The following CFAP210 variants were observed in gnomAD, a reference collection of about 807,000 sequenced individuals.
The protein encoded by CFAP210 is cilia- and flagella- associated protein 210.
the CFAP210 span, among the ~76,000 whole-genome samples, chr2:169,687,043 C>G: frequency 6.6e-6 from 1 of 152,122 alleles, no homozygotes; most frequent in African/African-American, 2.4e-5. Flanking sequence ...GCGGAAGTCC[C>G]TGATAATCCC....
At chr2:169,668,058 T>G in the CFAP210 span, among the ~76,000 whole-genome samples, 1 of 152,252 alleles carries the variant, frequency 6.6e-6, no homozygotes, top group African/African-American at 2.4e-5. Flanking sequence ...TCATCTACAC[T>G]GGAAATCTGT....
chr2:169,671,421 T>C, the CFAP210 span, among the ~76,000 whole-genome samples: 1 of 152,224 alleles, frequency 6.6e-6, no homozygotes, highest in African/African-American at 2.4e-5. Flanking sequence ...AAAATATTTA[T>C]CATTACATTC....
chr2:169,661,082 T>C, the CFAP210 span: 4 of 543,910 alleles, frequency 7.4e-6, no homozygotes, highest in Non-Finnish European at 7.4e-6. Flanking sequence ...GAATATGGCG[T>C]ACTTGTCAAG....
chr2:169,688,320 G>GAATTTTTT, the CFAP210 span, among the ~76,000 whole-genome samples: 1 of 152,192 alleles, frequency 6.6e-6, no homozygotes, highest in East Asian at 1.9e-4. Context: ...CTATTGCATA[G>GAATTTTTT]TCAGGCTACA....
At chr2:169,691,436 C>G in the CFAP210 span, among the ~76,000 whole-genome samples, 2 of 152,130 alleles carry the variant, frequency 1.3e-5, no homozygotes, top group African/African-American at 4.8e-5. Flanking sequence ...ACAACAACTG[C>G]AACTGCACAG....
At chr2:169,682,162 T>C in the CFAP210 span, among the ~76,000 whole-genome samples, 1 of 152,234 alleles carries the variant, frequency 6.6e-6, no homozygotes, top group African/African-American at 2.4e-5. Context: ...AAAACGGTCC[T>C]ACCCTTTTAA....
At chr2:169,648,150 A>T in the CFAP210 span, 1 of 206,288 alleles carries the variant, frequency 4.8e-6, no homozygotes, top group Non-Finnish European at 9.5e-6. Flanking sequence ...GCAACAGAGC[A>T]AAACTCTGTC....
At chr2:169,681,419 T>C in the CFAP210 span, 10 of 624,642 alleles carry the variant, frequency 1.6e-5, no homozygotes, top group Non-Finnish European at 2.5e-5. Flanking sequence ...TCAGAAGGCA[T>C]ATATTTGAGT....
At chr2:169,650,284 C>T in the CFAP210 span, 4 of 1,487,198 alleles carry the variant, frequency 2.7e-6, no homozygotes, top group Non-Finnish European at 3.6e-6. Context: ...TGGAAAGGTC[C>T]TAACTCTGTC....
the CFAP210 span, chr2:169,650,313 T>C: frequency 1.9e-6 from 3 of 1,541,306 alleles, no homozygotes; most frequent in South Asian, 3.9e-5. Context: ...TTTATTTTCA[T>C]AATTGAATTG....
At chr2:169,645,760 CTTTA>C in the CFAP210 span, 1 of 870,404 alleles carries the variant, frequency 1.1e-6, no homozygotes, top group Non-Finnish European at 1.7e-6. Flanking sequence ...TGAAGAACAG[CTTTA>C]TTAACTGAAA....
At chr2:169,651,862 C>A in the CFAP210 span, among the ~76,000 whole-genome samples, 1 of 145,450 alleles carries the variant, frequency 6.9e-6, no homozygotes, top group African/African-American at 2.6e-5. Context: ...TCTCCCTTTA[C>A]ACTATAAGGT....
the CFAP210 span, among the ~76,000 whole-genome samples, chr2:169,647,471 G>A: frequency 2.6e-5 from 4 of 152,002 alleles, no homozygotes; most frequent in Non-Finnish European, 5.9e-5. Flanking sequence ...ACAGATGAAG[G>A]TAAAGTACCT....
chr2:169,673,731 C>G, the CFAP210 span, among the ~76,000 whole-genome samples: 1 of 151,992 alleles, frequency 6.6e-6, no homozygotes, highest in African/African-American at 2.4e-5. Flanking sequence ...AGGCTGGGAA[C>G]AGGAGATAGA....
chr2:169,690,258 T>C, the CFAP210 span, among the ~76,000 whole-genome samples: 1 of 152,372 alleles, frequency 6.6e-6, no homozygotes. Context: ...CTGATGTTGG[T>C]ATCAGGGTAA....
chr2:169,651,459 A>G, the CFAP210 span, among the ~76,000 whole-genome samples: 3 of 151,784 alleles, frequency 2.0e-5, no homozygotes, highest in East Asian at 2.0e-4. Context: ...CAGTGGCACA[A>G]TCTTGGCTCA....
At chr2:169,654,329 C>A in the CFAP210 span, 33 of 873,598 alleles carry the variant, frequency 3.8e-5, no homozygotes, top group Non-Finnish European at 5.3e-5. Flanking sequence ...TTATTTCTCT[C>A]CTGGAAATTT....
the CFAP210 span, chr2:169,653,948 A>C: frequency 9.7e-7 from 1 of 1,026,694 alleles, no homozygotes; most frequent in African/African-American, 1.6e-5. Context: ...CCAAACTGAA[A>C]TCAAGTCACT....
the CFAP210 span, among the ~76,000 whole-genome samples, chr2:169,652,558 C>T: frequency 2.6e-5 from 4 of 152,124 alleles, no homozygotes; most frequent in South Asian, 4.1e-4. Context: ...ACTGTGATCA[C>T]GCCTGTGAAT....
Sources: allele counts gnomAD v4.1 joint callset (sites outside exome capture counted in the v4.1 genomes callset), GRCh38; gene constraint gnomAD v4.1.1; transcripts MANE v1.5; gene names NCBI Gene and HGNC (gene_info 2026-07-23, HGNC 2026-07-21).